VSTM1: variants seen among roughly 807,000 people sequenced by gnomAD.
VSTM1 encodes the protein V-set and transmembrane domain-containing protein 1.
Under a neutral mutation model 33.1 loss-of-function variants are expected in VSTM1, and 27 were observed. That is an observed-to-expected ratio of 0.82 (90% CI 0.60 to 1.12). The LOEUF is 1.12. Among genes scored for constraint, VSTM1 ranks in the 50% most tolerant of loss-of-function variants. The pLI is 0.00. For missense variants in VSTM1, 304 were observed against 288.9 expected, an observed-to-expected ratio of 1.05 and a Z score of -0.38; for synonymous variants, 115 against 110.3, an observed-to-expected ratio of 1.04 and a Z score of -0.27.
chr19:54,059,340 C>T (rs905388462), intron 1 of VSTM1, among the ~76,000 whole-genome samples: 3 of 152,052 alleles, frequency 2.0e-5, no homozygotes, highest in East Asian at 1.9e-4. Context: ...GGATTACAGG[C>T]GTGAGCCACT....
At chr19:54,052,192 A>T (rs1481003380) in intron 3 of VSTM1, among the ~76,000 whole-genome samples, 2 of 151,366 alleles carry the variant, frequency 1.3e-5, no homozygotes, top group East Asian at 2.0e-4. Context: ...AGGTCAGGAG[A>T]TCGAGACCAT....
chr19:54,044,855 G>A (rs528422952), intron 4 of VSTM1, among the ~76,000 whole-genome samples: 2 of 152,010 alleles, frequency 1.3e-5, no homozygotes, highest in African/African-American at 4.8e-5. Flanking sequence ...GTTCCCCCCC[G>A]TTTTTTGTTT....
At chr19:54,047,949 G>A (rs748590226) in intron 4 of VSTM1, among the ~76,000 whole-genome samples, 35 of 152,076 alleles carry the variant, frequency 2.3e-4, no homozygotes, top group Non-Finnish European at 4.6e-4. Flanking sequence ...AGCCTGACAC[G>A]GGGCATAAAT....
chr19:54,051,521 C>T (rs76059108), intron 3 of VSTM1, 73 bp from the exon 4 acceptor site: 71,927 of 1,207,098 alleles, frequency 0.06, 2,604 homozygotes, highest in Admixed American at 0.11. Context: ...TCCTCACGTC[C>T]TACTTATAGA....
Position 54,056,214 on chromosome 19 carries a change from C to CTTTTTTTTTTT in VSTM1, c.355+2081_355+2091dup, listed in dbSNP as rs869203085. Among the ~76,000 whole-genome samples, 60 of 39,162 alleles carry CTTTTTTTTTTT rather than the reference C, an allele frequency of 1.5e-3. 1 individual carries two copies. The highest frequency in any genetic ancestry group is 0.019 in the Middle Eastern group (1 of 54). 25.7% of individuals were successfully genotyped at this position (39,162 alleles called of 152,430 possible). A position where few individuals can be genotyped will look rare whatever the true frequency, so the allele number is the denominator to read the frequency against. ...TTCTTTCTTTCTTTTCTTTTCTTTT[C>CTTTTTTTTTTT]TTTTTTTTTTTTTTTTTTTTTTTTT... On this transcript the variant is annotated intron_variant, in intron 3 of 8. Coordinates refer to ENST00000338372, the MANE Select transcript of VSTM1 (RefSeq NM_198481.4).
chr19:54,061,629 A>G (rs2071399081), intron 1 of VSTM1, among the ~76,000 whole-genome samples: 1 of 152,096 alleles, frequency 6.6e-6, no homozygotes, highest in African/African-American at 2.4e-5. Context: ...CCTGGGCAAT[A>G]TAGCAAGATC....
rs145578753 is a variant in VSTM1, at chr19:54,046,962, G to A, written c.394+4448C>T. On this transcript the variant is annotated intron_variant, in intron 4 of 8. Coordinates refer to ENST00000338372, the MANE Select transcript of VSTM1 (RefSeq NM_198481.4). ...TGTAATCCCAGCACTTTGGGAGGTCGAGGCAGGCAGAGCACCTGAGGTCAG... is the reference window on the plus strand; with the variant it reads ...TGTAATCCCAGCACTTTGGGAGGTCAAGGCAGGCAGAGCACCTGAGGTCAG... Among the ~76,000 whole-genome samples the A allele has an allele frequency of 4.7e-3, 723 of 152,214 alleles. 3 individuals carry two copies. Among genetic ancestry groups the A allele is most frequent in the African/African-American group, 0.016 (672 of 41,546 alleles).
rs1443870522 is a variant in VSTM1, at chr19:54,056,921, C to T, written c.355+1385G>A. Among the ~76,000 whole-genome samples the T allele has an allele frequency of 5.7e-5, 8 of 139,558 alleles. 1 individual carries two copies. In the South Asian group the frequency reaches 1.2e-3, roughly 21 times the overall value. 91.6% of individuals were successfully genotyped at this position (139,558 alleles called of 152,430 possible). On this transcript the variant is annotated intron_variant, in intron 3 of 8. Coordinates refer to ENST00000338372, the MANE Select transcript of VSTM1 (RefSeq NM_198481.4). ...AGGCTGCAGTGCAGTGGCACAATCTCAGCTCATTACAACCTCTGCCTTCTG... is the reference window on the plus strand; with the variant it reads ...AGGCTGCAGTGCAGTGGCACAATCTTAGCTCATTACAACCTCTGCCTTCTG...
intron 1 of VSTM1, among the ~76,000 whole-genome samples, chr19:54,060,882 G>A (rs1391183136): frequency 6.6e-6 from 1 of 151,944 alleles, no homozygotes; most frequent in East Asian, 1.9e-4. Context: ...GTAGAGATGA[G>A]GACTCACGAT....
intron 4 of VSTM1, 24 bp downstream of exon 4, chr19:54,051,386 A>T: frequency 6.3e-7 from 1 of 1,594,412 alleles, no homozygotes; most frequent in Non-Finnish European, 8.5e-7. Context: ...ATTGGGAAAA[A>T]CATCTCCTTT....
intron 1 of VSTM1, among the ~76,000 whole-genome samples, chr19:54,059,869 A>G (rs192046796): frequency 2.1e-5 from 3 of 140,052 alleles, no homozygotes; most frequent in Non-Finnish European, 3.1e-5. Flanking sequence ...ATTTTTCGAG[A>G]TGGAGTCTCG....
chr19:54,046,141 GTATC>G (rs760812474), intron 4 of VSTM1, among the ~76,000 whole-genome samples: 1 of 151,836 alleles, frequency 6.6e-6, no homozygotes, highest in Non-Finnish European at 1.5e-5. Context: ...TATCATCTAT[GTATC>G]TATCTAATCT....
At chr19:54,043,415 T>A (rs2070416737) in intron 4 of VSTM1, among the ~76,000 whole-genome samples, 1 of 150,318 alleles carries the variant, frequency 6.7e-6, no homozygotes, top group African/African-American at 2.4e-5. Flanking sequence ...GTATATGTTC[T>A]CTTTTTTTTT....
chr19:54,058,754 G>C (rs1283944507), intron 1 of VSTM1, 22 bp from the exon 2 acceptor site: 2 of 1,612,974 alleles, frequency 1.2e-6, no homozygotes, highest in Non-Finnish European at 8.5e-7. Context: ...ATCTCAATGA[G>C]AGAAAAATTA....
rs1282944094 is a variant in VSTM1, at chr19:54,042,317, G to A, written c.447C>T (p.Leu149=). Residue 149 remains leucine (L), a synonymous_variant, in exon 5 of 9, where the codon CTC becomes CTT. Coordinates refer to ENST00000338372, the MANE Select transcript of VSTM1 (RefSeq NM_198481.4). ...TGTAGATGATGAAGACTGAGAGGAA[G>A]AGGAGAAGGATGGAGATGCAGCTGA... ...AIFSCISILL[L]FLSVFIIYRC... 8 of 1,614,016 alleles carry A rather than the reference G, an allele frequency of 5.0e-6. No individual in the cohort carries two copies. The highest frequency in any genetic ancestry group is 1.7e-4 in the Middle Eastern group (1 of 6,058).
intron 3 of VSTM1, 126 bp downstream of exon 3, chr19:54,058,180 C>A: frequency 9.8e-7 from 1 of 1,025,238 alleles, no homozygotes. Flanking sequence ...GCAGAAGTTG[C>A]AGTGAGCCGA....
In VSTM1 at chr19:54,058,530, T is replaced by C. The variant is rs750169746; in HGVS notation, c.131A>G (p.Asn44Ser). Reference sequence around the variant, plus strand: ...ATGAGCCTGACACTTCAGGGTCACATTGCTCTCGGCTTCAACCACCGAGCT... The same window carrying C: ...ATGAGCCTGACACTTCAGGGTCACACTGCTCTCGGCTTCAACCACCGAGCT... ...WPSSVVEAES[N>S]VTLKCQAHSQ... The change falls in exon 3 of 9, where the codon AAT (asparagine) becomes AGT (serine). Residue 44 changes from asparagine (N) to serine (S), a missense_variant. By Grantham distance (46) the Asn-to-Ser change is conservative. Coordinates refer to ENST00000338372, the MANE Select transcript of VSTM1 (RefSeq NM_198481.4). 1.2e-6 allele frequency: 2 copies of C among 1,612,480 alleles called. No individual in the cohort carries two copies. The highest frequency in any genetic ancestry group is 2.2e-5 in the South Asian group (2 of 90,968).
chr19:54,063,102 C>T (rs1371005682), intron 1 of VSTM1, among the ~76,000 whole-genome samples: 1 of 152,118 alleles, frequency 6.6e-6, no homozygotes, highest in Non-Finnish European at 1.5e-5. Flanking sequence ...CTTTGGGAGG[C>T]TGAGGCGGGC....
chr19:54,058,131 T>C lies in VSTM1; in HGVS notation c.355+175A>G, dbSNP rs11673528. ...GGCGGGCGCCTGTAGTCCCAGCTAC[T>C]CGGGAGGCTGAGGAGGGAGAATTGC... On this transcript the variant is annotated intron_variant, in intron 3 of 8. Coordinates refer to ENST00000338372, the MANE Select transcript of VSTM1 (RefSeq NM_198481.4). Among the ~76,000 whole-genome samples the C allele has an allele frequency of 0.19, 28,305 of 150,706 alleles. 3,038 individuals are homozygous for C. Among genetic ancestry groups the C allele is most frequent in the Middle Eastern group, 0.25 (72 of 286 alleles).
Sources: allele counts gnomAD v4.1 joint callset (sites outside exome capture counted in the v4.1 genomes callset), GRCh38; gene constraint gnomAD v4.1.1; transcripts MANE v1.5; gene names NCBI Gene and HGNC (gene_info 2026-07-23, HGNC 2026-07-21).